Variants in NFIB observed in about 807,000 individuals in gnomAD.
NFIB encodes nuclear factor 1 B-type.
A neutral mutation model predicts 61.5 loss-of-function variants in NFIB; 11 were observed. The ratio of observed to expected loss-of-function variants is 0.18; its 90% CI spans 0.11 to 0.30. The LOEUF (loss-of-function observed/expected upper bound fraction) is 0.30. Ranked by LOEUF, NFIB falls within the 10% of genes least tolerant of loss-of-function variation. The pLI, the probability that NFIB is intolerant of heterozygous loss-of-function variation, is 1.00. For synonymous variants in NFIB, 260 were observed against 216.5 expected (o/e 1.20, Z -1.76); for missense variants, 471 against 608.9 (o/e 0.77, Z 2.38).
At chr9:14,151,999 C>T (rs114158445) in intron 4 of NFIB, among the ~76,000 whole-genome samples, 1,921 of 151,982 alleles carry the variant, frequency 0.013, 45 homozygotes, top group African/African-American at 0.044. Flanking sequence ...TGTTCACTAC[C>T]CTTTGAATTG....
chr9:14,490,789 A>C, the NFIB span, among the ~76,000 whole-genome samples: 1 of 152,202 alleles, frequency 6.6e-6, no homozygotes, highest in South Asian at 2.1e-4. Flanking sequence ...CTGGCAAAAA[A>C]TATAGGTTCT....
intron 2 of NFIB, among the ~76,000 whole-genome samples, chr9:14,181,761 A>G (rs1200752883): frequency 1.3e-5 from 2 of 152,064 alleles, no homozygotes; most frequent in Admixed American, 6.6e-5. Context: ...GAGCCTCCCT[A>G]TGTTTTACTT....
At chr9:14,189,752 G>C (rs2047741841) in intron 2 of NFIB, among the ~76,000 whole-genome samples, 1 of 149,598 alleles carries the variant, frequency 6.7e-6, no homozygotes, top group South Asian at 2.2e-4. Context: ...CACTGCCCTA[G>C]CATATTCCTG....
chr9:14,231,138 ATAT>A (rs2053139913), intron 2 of NFIB, among the ~76,000 whole-genome samples: 7 of 90,142 alleles, frequency 7.8e-5, no homozygotes, highest in African/African-American at 3.3e-4. Context: ...AAAAAAAAAT[ATAT>A]ATATATATAT....
intron 2 of NFIB, among the ~76,000 whole-genome samples, chr9:14,233,640 G>T (rs891616101): frequency 6.6e-6 from 1 of 151,964 alleles, no homozygotes; most frequent in East Asian, 1.9e-4. Context: ...ATGTTGGCCA[G>T]GCTGGTCTCA....
chr9:14,258,098 C>G lies in NFIB; in HGVS notation c.562+48891G>C, dbSNP rs142301744. Among the ~76,000 whole-genome samples, 1,110 of 152,144 alleles carry G rather than the reference C, an allele frequency of 7.3e-3. 14 individuals carry two copies. The highest frequency in any genetic ancestry group is 0.025 in the African/African-American group (1,028 of 41,514). On this transcript the variant is annotated intron_variant, in intron 2 of 10. Transcript: ENST00000380953. ...TATGAACATAGTTAGCATAAAAGAA[C>G]CTTTTGATGACTCGTATTAGAACAT...
Position 14,307,145 on chromosome 9 carries a change from T to C in NFIB, c.406A>G (p.Ile136Val). The C allele has an allele frequency of 3.1e-6, 5 of 1,614,084 alleles. No individual in the cohort carries two copies. Among genetic ancestry groups the C allele is most frequent in the Non-Finnish European group, 4.2e-6 (5 of 1,180,012 alleles). The change falls in exon 2 of 11, where the codon ATC becomes GTC. Residue 136 changes from isoleucine (I) to valine (V), a missense_variant. Transcript: ENST00000380953. The surrounding 1 kb of genome is among the most constrained non-coding windows in gnomAD (Gnocchi z 5.3). ...KVWRLDLVMV[I>V]LFKGIPLEST... ...TCCAAGGGGATGCCTTTGAACAGGATCACCATGACTAGATCCAGACGCCAG... is the reference window on the plus strand; with the variant it reads ...TCCAAGGGGATGCCTTTGAACAGGACCACCATGACTAGATCCAGACGCCAG...
At chr9:14,298,486 A>C (rs2059569510) in intron 2 of NFIB, among the ~76,000 whole-genome samples, 1 of 152,178 alleles carries the variant, frequency 6.6e-6, no homozygotes, top group African/African-American at 2.4e-5. Flanking sequence ...CTGAAAATCT[A>C]AGCAGAAAAG....
chr9:14,315,786 G>C (rs1285984818), upstream of NFIB, among the ~76,000 whole-genome samples: 2 of 151,876 alleles, frequency 1.3e-5, no homozygotes, highest in Non-Finnish European at 2.9e-5. Context: ...TCTGCTTGGG[G>C]TGGATGGGGA....
chr9:14,377,161 C>A (rs567976700), intron 1 of NFIB, among the ~76,000 whole-genome samples: 2 of 152,312 alleles, frequency 1.3e-5, no homozygotes, highest in South Asian at 4.1e-4. Flanking sequence ...CATACACATA[C>A]CCACAATGCA....
At chr9:14,253,166 A>C (rs974611364) in intron 2 of NFIB, among the ~76,000 whole-genome samples, 4 of 152,204 alleles carry the variant, frequency 2.6e-5, no homozygotes, top group African/African-American at 9.6e-5. Context: ...GTGTTCCCTG[A>C]TGGTTACAGC....
At chr9:14,471,447 A>C in the NFIB span, among the ~76,000 whole-genome samples, 1 of 152,234 alleles carries the variant, frequency 6.6e-6, no homozygotes, top group Non-Finnish European at 1.5e-5. Context: ...ATATGGGCCA[A>C]ATATTGATTT....
the NFIB span, among the ~76,000 whole-genome samples, chr9:14,428,905 CAGAA>C: frequency 3.3e-5 from 5 of 152,184 alleles, no homozygotes; most frequent in East Asian, 1.9e-4. Flanking sequence ...AAGAAAAAAA[CAGAA>C]AGAAAGAAAA....
At chr9:14,405,244 T>C in the NFIB span, among the ~76,000 whole-genome samples, 3 of 152,324 alleles carry the variant, frequency 2.0e-5, no homozygotes, top group East Asian at 3.9e-4. Flanking sequence ...TGAATGGTTA[T>C]AGGGAGCAGA....
the NFIB span, among the ~76,000 whole-genome samples, chr9:14,527,916 G>C: frequency 2.0e-5 from 3 of 152,064 alleles, no homozygotes; most frequent in African/African-American, 4.8e-5. Flanking sequence ...ATTACCATAG[G>C]AGTCTAGCTG....
At chr9:14,130,273 A>G (rs1413647464) in intron 6 of NFIB, among the ~76,000 whole-genome samples, 2 of 152,092 alleles carry the variant, frequency 1.3e-5, no homozygotes, top group Admixed American at 6.6e-5. Flanking sequence ...TTGTTATTCC[A>G]TTTTGTTTAA....
At position 14,306,405 on chromosome 9, in the gene NFIB, T is replaced by C. The variant is rs777896601; in HGVS notation, c.562+584A>G. ...AATATTGCACAATCAAAAGTGATGATAGAAATATTAAAATTAAGTAAATCT... is the reference window on the plus strand; with the variant it reads ...AATATTGCACAATCAAAAGTGATGACAGAAATATTAAAATTAAGTAAATCT... On this transcript the variant is annotated intron_variant, in intron 2 of 10. Transcript: ENST00000380953. Among the ~76,000 whole-genome samples, 112 of 152,230 alleles carry C rather than the reference T, an allele frequency of 7.4e-4. 3 individuals carry two copies. The highest frequency in any genetic ancestry group is 2.5e-4 in the Non-Finnish European group (17 of 68,028).
chr9:14,140,083 T>G (rs951112407), intron 6 of NFIB, among the ~76,000 whole-genome samples: 3 of 152,190 alleles, frequency 2.0e-5, no homozygotes, highest in Non-Finnish European at 4.4e-5. Flanking sequence ...TTTTTTCTGG[T>G]TCAAAACTTT....
chr9:14,371,039 G>A (rs1293714789), intron 1 of NFIB, among the ~76,000 whole-genome samples: 2 of 152,176 alleles, frequency 1.3e-5, no homozygotes, highest in Admixed American at 6.5e-5. Flanking sequence ...AGGTTGCAGT[G>A]AGCTGAGATT....
Sources: gnomAD v4.1 joint callset for allele counts (sites outside exome capture counted in the v4.1 genomes callset) on GRCh38, gnomAD v4.1.1 for gene constraint, Gnocchi (gnomAD v3.1) non-coding constraint, MANE v1.5 for transcripts, NCBI Gene and HGNC (gene_info 2026-07-23, HGNC 2026-07-21) for gene names.